Variants in TAFA2 observed in about 807,000 individuals in gnomAD.
TAFA2 encodes the protein chemokine-like protein TAFA-2.
Under a neutral mutation model 18.8 loss-of-function variants are expected in TAFA2, and 7 were observed. That is an observed-to-expected ratio of 0.37 (90% CI 0.21 to 0.70). The LOEUF is 0.70. Ranked by LOEUF, TAFA2 falls within the 30% of genes least tolerant of loss-of-function variation. The pLI is 0.53. For synonymous variants in TAFA2, 60 were observed against 54.2 expected (o/e 1.11, Z -0.47); for missense variants, 122 against 158.1 (o/e 0.77, Z 1.23).
chr12:62,195,892 C>A (rs2062646836), upstream of TAFA2, among the ~76,000 whole-genome samples: 1 of 152,302 alleles, frequency 6.6e-6, no homozygotes, highest in South Asian at 2.1e-4. Context: ...AGCTTCGAAG[C>A]CAGGCACTGA....
chr12:62,226,661 A>G lies in TAFA2; in HGVS notation c.-130+32102T>C, dbSNP rs537030031. Among the ~76,000 whole-genome samples the G allele has an allele frequency of 2.0e-5, 3 of 152,266 alleles. No individual in the cohort carries two copies. The South Asian group carries it at 6.2e-4, about 32-fold the overall frequency. On this transcript the variant is annotated intron_variant, in intron 1 of 5. Transcript: ENST00000551619. ...GAATATCTAAGAGAAAGTTTACCCC[A>G]CTTTCCATCCTCCAAACACATTCTT...
intron 1 of TAFA2, among the ~76,000 whole-genome samples, chr12:62,004,045 A>C (rs1329616995): frequency 2.6e-5 from 4 of 152,194 alleles, no homozygotes; most frequent in Non-Finnish European, 5.9e-5. Flanking sequence ...CTATAAAATC[A>C]CTTTTGGTTT....
At chr12:62,016,047 AT>A (rs35036178) in intron 1 of TAFA2, among the ~76,000 whole-genome samples, 33,965 of 152,116 alleles carry the variant, frequency 0.22, 3,884 homozygotes, top group East Asian at 0.28. Context: ...TAAATTTTAT[AT>A]TGTGTATATT....
At chr12:62,127,315 T>G (rs11174335) in intron 1 of TAFA2, among the ~76,000 whole-genome samples, 35,649 of 151,908 alleles carry the variant, frequency 0.23, 4,368 homozygotes, top group East Asian at 0.32. Context: ...CCCACCTCCA[T>G]CATTCCCTAC....
At chr12:61,937,933 A>T (rs1246078173) in intron 1 of TAFA2, among the ~76,000 whole-genome samples, 2 of 152,154 alleles carry the variant, frequency 1.3e-5, no homozygotes, top group African/African-American at 4.8e-5. Context: ...AGAATCTACA[A>T]GGAACTCAAA....
intron 2 of TAFA2, among the ~76,000 whole-genome samples, chr12:61,828,073 T>A (rs1286895309): frequency 6.6e-6 from 1 of 151,946 alleles, no homozygotes; most frequent in Non-Finnish European, 1.5e-5. Context: ...ATTTACCAGG[T>A]TAGTAATGGC....
intron 4 of TAFA2, among the ~76,000 whole-genome samples, chr12:61,730,064 T>A (rs1443704297): frequency 6.6e-6 from 1 of 152,128 alleles, no homozygotes; most frequent in African/African-American, 2.4e-5. Flanking sequence ...CAAGGAGTAC[T>A]GTGATGTGAT....
chr12:62,115,257 T>C (rs1869913933), intron 1 of TAFA2, among the ~76,000 whole-genome samples: 1 of 152,146 alleles, frequency 6.6e-6, no homozygotes, highest in Non-Finnish European at 1.5e-5. Context: ...AAATTGTGTA[T>C]GTCTCCTTCC....
At chr12:62,241,377 A>C (rs994683684) in intron 1 of TAFA2, among the ~76,000 whole-genome samples, 1 of 152,252 alleles carries the variant, frequency 6.6e-6, no homozygotes, top group Non-Finnish European at 1.5e-5. Context: ...CAGGAGAGGT[A>C]AATGTAATTC....
intron 2 of TAFA2, among the ~76,000 whole-genome samples, chr12:61,866,963 T>G (rs988023202): frequency 5.3e-5 from 8 of 151,952 alleles, no homozygotes; most frequent in African/African-American, 1.9e-4. Flanking sequence ...ATACTTTAAG[T>G]TTTAGGGTAC....
intron 4 of TAFA2, among the ~76,000 whole-genome samples, chr12:61,717,199 G>C (rs1054557277): frequency 6.9e-6 from 1 of 144,858 alleles, no homozygotes; most frequent in Non-Finnish European, 1.5e-5. Context: ...TACATTGGTC[G>C]TAACTATATG....
chr12:61,743,510 G>T (rs1455812999), intron 4 of TAFA2, among the ~76,000 whole-genome samples: 1 of 151,874 alleles, frequency 6.6e-6, no homozygotes, highest in Non-Finnish European at 1.5e-5. Flanking sequence ...CTTTACATTT[G>T]CCTCTTTTCT....
At chr12:62,072,362 A>C (rs1372295485) in intron 1 of TAFA2, among the ~76,000 whole-genome samples, 2 of 152,020 alleles carry the variant, frequency 1.3e-5, no homozygotes, top group African/African-American at 4.8e-5. Context: ...CCAGCTACCG[A>C]GGAGGCTGAG....
intron 1 of TAFA2, among the ~76,000 whole-genome samples, chr12:62,216,485 TTTCAACTGACCAGCAAGG>T (rs1298572144): frequency 6.6e-6 from 1 of 152,168 alleles, no homozygotes; most frequent in African/African-American, 2.4e-5. Context: ...TCCTATTCCC[TTTCAACTGACCAGCAAGG>T]ACCCTACAAA....
At chr12:62,162,860 A>C (rs1045155502) in intron 1 of TAFA2, among the ~76,000 whole-genome samples, 1 of 152,090 alleles carries the variant, frequency 6.6e-6, no homozygotes, top group African/African-American at 2.4e-5. Context: ...AGAAGAAAAA[A>C]GTGGTCAGCT....
At chr12:62,098,971 TA>T (rs762821466) in intron 1 of TAFA2, among the ~76,000 whole-genome samples, 2 of 152,164 alleles carry the variant, frequency 1.3e-5, no homozygotes, top group Non-Finnish European at 2.9e-5. Flanking sequence ...CTTAATAATC[TA>T]ATAAACCATA....
intron 2 of TAFA2, among the ~76,000 whole-genome samples, chr12:61,799,715 G>A (rs200003282): frequency 6.6e-6 from 1 of 152,082 alleles, no homozygotes; most frequent in Non-Finnish European, 1.5e-5. Context: ...CCAGCTACTC[G>A]GGAGGCTGAG....
intron 4 of TAFA2, among the ~76,000 whole-genome samples, chr12:61,714,448 G>A (rs1869555136): frequency 6.6e-6 from 1 of 152,130 alleles, no homozygotes; most frequent in African/African-American, 2.4e-5. Flanking sequence ...TGCTAATCTG[G>A]TAACATTAAG....
intron 1 of TAFA2, among the ~76,000 whole-genome samples, chr12:61,997,943 G>T (rs907971628): frequency 3.3e-5 from 5 of 151,992 alleles, no homozygotes; most frequent in Admixed American, 1.3e-4. Flanking sequence ...AAAGAAAAAT[G>T]GAGACTAATT....
Sources: allele counts gnomAD v4.1 joint callset (sites outside exome capture counted in the v4.1 genomes callset), GRCh38; gene constraint gnomAD v4.1.1; transcripts MANE v1.5; gene names NCBI Gene and HGNC (gene_info 2026-07-23, HGNC 2026-07-21).